The following ZNF704 variants were observed in gnomAD, a reference collection of about 807,000 sequenced individuals.
ZNF704 encodes zinc finger protein 704.
Under a neutral mutation model 44.7 loss-of-function variants are expected in ZNF704, and 10 were observed. That is an observed-to-expected ratio of 0.22 (90% CI 0.14 to 0.38). The LOEUF (loss-of-function observed/expected upper bound fraction) is 0.38, where lower values mean the gene tolerates loss of function less well. Ranked by LOEUF, ZNF704 falls within the 10% of genes least tolerant of loss-of-function variation. ZNF704 has a pLI of 1.00. For synonymous variants in ZNF704, 211 were observed against 207.6 expected (o/e 1.02, Z -0.14); for missense variants, 390 against 545.5 (o/e 0.71, Z 2.84).
chr8:80,823,211 C>T (rs982327856), intron 1 of ZNF704, among the ~76,000 whole-genome samples: 1 of 152,204 alleles, frequency 6.6e-6, no homozygotes. Flanking sequence ...AAAATCAGGA[C>T]ACTCTCACCC....
At chr8:80,747,017 CT>C (rs1394003468) in intron 2 of ZNF704, among the ~76,000 whole-genome samples, 2 of 152,154 alleles carry the variant, frequency 1.3e-5, no homozygotes, top group Non-Finnish European at 1.5e-5. Context: ...CCAGTTTATA[CT>C]GTCTTTGACA....
chr8:80,741,538 T>C (rs896392414), intron 2 of ZNF704, among the ~76,000 whole-genome samples: 2 of 152,156 alleles, frequency 1.3e-5, no homozygotes, highest in Non-Finnish European at 2.9e-5. Flanking sequence ...TGTGTGGACA[T>C]CTCATGATGT....
At chr8:80,814,227 G>A (rs998509809) in intron 2 of ZNF704, 5 of 152,196 alleles carry the variant, frequency 3.3e-5, no homozygotes, top group African/African-American at 1.2e-4. Context: ...TGTTCTTACA[G>A]GTAACGGAGG....
At chr8:80,867,904 A>T (rs1809184315) in intron 1 of ZNF704, among the ~76,000 whole-genome samples, 1 of 152,234 alleles carries the variant, frequency 6.6e-6, no homozygotes, top group Non-Finnish European at 1.5e-5. Flanking sequence ...GCAGTTTTTC[A>T]ATAGTTAAAA....
chr8:80,733,254 A>C (rs1806611840), intron 2 of ZNF704, among the ~76,000 whole-genome samples: 1 of 152,180 alleles, frequency 6.6e-6, no homozygotes, highest in African/African-American at 2.4e-5. Flanking sequence ...TAAATGTGTT[A>C]TGTGGAGCCC....
Position 80,865,912 on chromosome 8 carries a change from G to C in ZNF704, c.-22+8659C>G, listed in dbSNP as rs973578606. Among the ~76,000 whole-genome samples the C allele has an allele frequency of 5.3e-5, 8 of 152,206 alleles. No homozygotes were observed. In the East Asian group the frequency reaches 1.5e-3, roughly 29 times the overall value. On this transcript the variant is annotated intron_variant, in intron 1 of 8. Coordinates refer to ENST00000327835, the MANE Select transcript of ZNF704 (RefSeq NM_001033723.3). ...CCTTGAAAACTCTAGAGTCAAGCTT[G>C]TTTCCTACATATAAATTGTAACTCT... is the stretch of plus-strand genomic sequence containing the variant.
chr8:80,831,929 C>T (rs1438342606), intron 1 of ZNF704, among the ~76,000 whole-genome samples: 1 of 152,208 alleles, frequency 6.6e-6, no homozygotes, highest in African/African-American at 2.4e-5. Flanking sequence ...TTCTATTGCT[C>T]ATCAGCACTT....
chr8:80,644,243 C>T (rs949382727), intron 7 of ZNF704, among the ~76,000 whole-genome samples: 5 of 152,106 alleles, frequency 3.3e-5, no homozygotes, highest in African/African-American at 1.2e-4. Context: ...TGCTGCAGCT[C>T]TCCCTGGCAC....
Position 80,717,742 on chromosome 8 carries a change from C to CA in ZNF704, c.222-24636dup, listed in dbSNP as rs1305225578. ...TCCTTTTTTACTTTAATCAATTCTTCAAACTGCCTCCTAGTGATCTTGTTG... is the reference window on the plus strand; with the variant it reads ...TCCTTTTTTACTTTAATCAATTCTTCAAAACTGCCTCCTAGTGATCTTGTTG... On this transcript the variant is annotated intron_variant, in intron 2 of 8. Transcript: ENST00000327835. Among the ~76,000 whole-genome samples the CA allele has an allele frequency of 1.2e-4, 18 of 152,206 alleles. 1 individual carries two copies. The highest frequency in any genetic ancestry group is 4.1e-4 in the South Asian group (2 of 4,824).
chr8:80,736,560 G>A (rs1260719145), intron 2 of ZNF704, among the ~76,000 whole-genome samples: 3 of 151,182 alleles, frequency 2.0e-5, no homozygotes, highest in Non-Finnish European at 2.9e-5. Flanking sequence ...TTACAGGAAT[G>A]TTACTGTTTC....
chr8:80,747,863 C>T (rs1364515504), intron 2 of ZNF704, among the ~76,000 whole-genome samples: 3 of 152,194 alleles, frequency 2.0e-5, no homozygotes, highest in African/African-American at 4.8e-5. Flanking sequence ...ACTACAGGTG[C>T]ATGCCACCAC....
intron 4 of ZNF704, among the ~76,000 whole-genome samples, chr8:80,686,075 T>C (rs1818529489): frequency 6.6e-6 from 1 of 152,274 alleles, no homozygotes; most frequent in Non-Finnish European, 1.5e-5. Flanking sequence ...AGTTTTCCTT[T>C]ATTCTGTGAA....
intron 2 of ZNF704, among the ~76,000 whole-genome samples, chr8:80,700,644 C>T (rs1202170728): frequency 1.3e-5 from 2 of 152,132 alleles, no homozygotes; most frequent in Non-Finnish European, 2.9e-5. Context: ...TATACTGCAG[C>T]CTCCCACAAC....
chr8:80,739,641 A>G (rs1806722776), intron 2 of ZNF704, among the ~76,000 whole-genome samples: 1 of 152,192 alleles, frequency 6.6e-6, no homozygotes, highest in African/African-American at 2.4e-5. Context: ...TATAGTTAGG[A>G]GATTCCCAGC....
At chr8:80,723,069 T>C (rs1806403099) in intron 2 of ZNF704, among the ~76,000 whole-genome samples, 1 of 152,266 alleles carries the variant, frequency 6.6e-6, no homozygotes. Context: ...ATATTTGACA[T>C]GCTCTTGTGA....
intron 1 of ZNF704, among the ~76,000 whole-genome samples, chr8:80,840,329 G>A (rs573870008): frequency 1.3e-4 from 19 of 151,988 alleles, no homozygotes; most frequent in African/African-American, 3.4e-4. Flanking sequence ...GTGTGTGCGC[G>A]TGTGTTTTTA....
intron 2 of ZNF704, among the ~76,000 whole-genome samples, chr8:80,805,279 A>T (rs1398598408): frequency 6.6e-6 from 1 of 152,170 alleles, no homozygotes; most frequent in Non-Finnish European, 1.5e-5. Context: ...GCTCTGGGGA[A>T]CATGGAGAAC....
chr8:80,739,143 T>A (rs923847476), intron 2 of ZNF704, among the ~76,000 whole-genome samples: 11 of 152,244 alleles, frequency 7.2e-5, no homozygotes, highest in Non-Finnish European at 1.3e-4. Flanking sequence ...GTTTTCATCA[T>A]ATCAAAGATT....
At chr8:80,841,794 T>C (rs1289692009) in intron 1 of ZNF704, among the ~76,000 whole-genome samples, 1 of 152,124 alleles carries the variant, frequency 6.6e-6, no homozygotes, top group East Asian at 1.9e-4. Flanking sequence ...TTTCTTTTTC[T>C]TCTTCTTTTT....
Sources: allele counts gnomAD v4.1 joint callset (sites outside exome capture counted in the v4.1 genomes callset), GRCh38; gene constraint gnomAD v4.1.1; transcripts MANE v1.5; gene names NCBI Gene and HGNC (gene_info 2026-07-23, HGNC 2026-07-21).